The following PTGIS variants were observed in gnomAD, a reference collection of about 807,000 sequenced individuals.
PTGIS encodes prostacyclin synthase.
A neutral mutation model predicts 50.3 loss-of-function variants in PTGIS; 45 were observed. That is an observed-to-expected ratio of 0.90 (90% CI 0.70 to 1.15). The LOEUF (loss-of-function observed/expected upper bound fraction) is 1.15. Ranked by LOEUF, PTGIS falls within the 50% of genes most tolerant of loss-of-function variation. PTGIS has a pLI of 0.00. For missense variants in PTGIS, 668 were observed against 661.3 expected (o/e 1.01, Z -0.11); for synonymous variants, 260 against 267.7 (o/e 0.97, Z 0.28).
intron 1 of PTGIS, among the ~76,000 whole-genome samples, chr20:49,566,549 G>A (rs1982904817): frequency 6.6e-6 from 1 of 152,218 alleles, no homozygotes; most frequent in African/African-American, 2.4e-5. Context: ...CTGAAAAGAT[G>A]TCTGGAGGTT....
chr20:49,538,244 G>C (rs1385421336), intron 5 of PTGIS, among the ~76,000 whole-genome samples: 1 of 115,740 alleles, frequency 8.6e-6, no homozygotes, highest in Non-Finnish European at 1.7e-5. Flanking sequence ...GACAGAGTGA[G>C]ACCCTGGTTC....
chr20:49,541,637 G>C (rs1350115970), intron 4 of PTGIS, among the ~76,000 whole-genome samples: 1 of 152,096 alleles, frequency 6.6e-6, no homozygotes, highest in South Asian at 2.1e-4. Context: ...AGGCTGAGGC[G>C]AGAGAATCGC....
chr20:49,547,578 C>T (rs557796690), intron 3 of PTGIS, among the ~76,000 whole-genome samples: 35 of 152,038 alleles, frequency 2.3e-4, no homozygotes, highest in Non-Finnish European at 4.4e-4. Flanking sequence ...AAACCCTGGT[C>T]TCCTCCTACT....
At chr20:49,539,977 C>T (rs1366970658) in intron 4 of PTGIS, among the ~76,000 whole-genome samples, 2 of 152,168 alleles carry the variant, frequency 1.3e-5, no homozygotes, top group African/African-American at 2.4e-5. Context: ...GCTGGTGCCC[C>T]GCGGCACTGT....
intron 5 of PTGIS, among the ~76,000 whole-genome samples, chr20:49,532,508 T>C (rs1458793271): frequency 6.6e-6 from 1 of 152,188 alleles, no homozygotes; most frequent in African/African-American, 2.4e-5. Flanking sequence ...TAAATTGGGA[T>C]AATAAAAGTA....
intron 1 of PTGIS, among the ~76,000 whole-genome samples, chr20:49,553,257 T>A (rs770081753): frequency 1.3e-5 from 2 of 152,134 alleles, no homozygotes; most frequent in African/African-American, 4.8e-5. Context: ...AGAATTATCA[T>A]TGTGTAACTT....
chr20:49,509,009 T>C (rs528843014), intron 9 of PTGIS, among the ~76,000 whole-genome samples: 2 of 152,334 alleles, frequency 1.3e-5, no homozygotes, highest in East Asian at 1.9e-4. Flanking sequence ...GGGGATTCTT[T>C]TGTCTCACTG....
At chr20:49,562,864 G>T (rs114504337) in intron 1 of PTGIS, among the ~76,000 whole-genome samples, 1 of 152,160 alleles carries the variant, frequency 6.6e-6, no homozygotes, top group Middle Eastern at 3.2e-3. Flanking sequence ...GCCCCCTGAC[G>T]TATCGCATCT....
At position 49,507,926 on chromosome 20, in the gene PTGIS, G is replaced by A. The variant is rs1981197235; in HGVS notation, c.1497C>T (p.Arg499=). 6.2e-7 allele frequency: 1 copy of A among 1,612,048 alleles called. No individual in the cohort carries two copies. The highest frequency in any genetic ancestry group is 2.2e-5 in the East Asian group (1 of 44,884). Residue 499 remains arginine, a synonymous_variant, in exon 10 of 10, where the codon CGC becomes CGT. Coordinates refer to ENST00000244043, the MANE Select transcript of PTGIS (RefSeq NM_000961.4). The stretch of plus-strand genomic sequence containing the variant: ...GATCCATCTGCTCCCTGTGTCATGG[G>A]CGGATGCGGTAGCGGACGGGCACGT... ...EHDVPVRYRI[R]P
intron 5 of PTGIS, among the ~76,000 whole-genome samples, chr20:49,533,145 A>C (rs887956503): frequency 4.8e-4 from 73 of 152,192 alleles, no homozygotes; most frequent in African/African-American, 1.7e-3. Flanking sequence ...CCCAGACTTG[A>C]ATACCTCTCA....
rs188715722 is a variant in PTGIS, at chr20:49,544,382, C to T, written c.444G>A (p.Leu148=). The stretch of plus-strand genomic sequence containing the variant: ...TGCCTGCTTCTGTAGCATCGCCCAA[C>T]AGCACTGCATGGAGGTTGGTATACA... ...EAMYTNLHAV[L]LGDATEAGSG... is the part of the protein sequence containing the mutation. Residue 148 remains leucine (L), a synonymous_variant, in exon 4 of 10, where the codon CTG becomes CTA. Transcript: ENST00000244043. 2.5e-6 allele frequency: 4 copies of T among 1,614,160 alleles called. No individual in the cohort carries two copies. The highest frequency in any genetic ancestry group is 2.2e-5 in the East Asian group (1 of 44,880).
At chr20:49,513,371 C>T in intron 7 of PTGIS, 110 bp from the exon 8 acceptor site, 1 of 1,228,358 alleles carries the variant, frequency 8.1e-7, no homozygotes. Context: ...AGAGAGGGTG[C>T]CTGCCTCGCC....
chr20:49,567,985 A>G, intron 1 of PTGIS, 58 bp downstream of exon 1: 1 of 1,410,548 alleles, frequency 7.1e-7, no homozygotes, highest in Admixed American at 2.7e-5. Flanking sequence ...CTTGGGCTGC[A>G]GCCCGGGCGG....
chr20:49,539,620 C>G lies in PTGIS; in HGVS notation c.623G>C (p.Arg208Pro), dbSNP rs145802460. The G allele has an allele frequency of 8.7e-6, 14 of 1,613,980 alleles. No individual in the cohort carries two copies. Among genetic ancestry groups the G allele is most frequent in the Non-Finnish European group, 1.2e-5 (14 of 1,179,990 alleles). The change falls in exon 5 of 10, where the codon CGC becomes CCC. Residue 208 changes from arginine (R) to proline (P), a missense_variant. Physicochemically the swap from Arg to Pro is moderately radical, Grantham distance 103. Coordinates refer to ENST00000244043, the MANE Select transcript of PTGIS (RefSeq NM_000961.4). ...VHSADVFHTF[R>P]QLDRLLPKLA... ...TTTGGGGAGCAGCCGGTCGAGCTGG[C>G]GAAAGGTGTGGAAGACATCAGCTGA...
At chr20:49,523,745 C>T (rs1343195731) in intron 6 of PTGIS, among the ~76,000 whole-genome samples, 1 of 152,098 alleles carries the variant, frequency 6.6e-6, no homozygotes, top group African/African-American at 2.4e-5. Context: ...AGCCACTGCA[C>T]TCCAGCCTGG....
chr20:49,521,779 AG>A (rs1303345150), intron 6 of PTGIS, among the ~76,000 whole-genome samples: 3 of 152,174 alleles, frequency 2.0e-5, no homozygotes, highest in African/African-American at 7.2e-5. Flanking sequence ...TGGGGCCAAG[AG>A]AAAGATGGGG....
chr20:49,512,522 T>A (rs1037818057), intron 8 of PTGIS, among the ~76,000 whole-genome samples: 1 of 152,122 alleles, frequency 6.6e-6, no homozygotes, highest in African/African-American at 2.4e-5. Flanking sequence ...GATGGGCAGA[T>A]GAATGAATGG....
At chr20:49,511,920 G>A (rs190853252) in intron 8 of PTGIS, among the ~76,000 whole-genome samples, 13 of 152,042 alleles carry the variant, frequency 8.6e-5, no homozygotes, top group Non-Finnish European at 2.9e-5. Flanking sequence ...TAGATTGATG[G>A]GTGGATGGAT....
intron 5 of PTGIS, among the ~76,000 whole-genome samples, chr20:49,528,011 G>T (rs1981833767): frequency 6.6e-6 from 1 of 151,938 alleles, no homozygotes; most frequent in Non-Finnish European, 1.5e-5. Context: ...GTGGTGGCAG[G>T]CACCTGTAAT....
Sources: allele counts gnomAD v4.1 joint callset (sites outside exome capture counted in the v4.1 genomes callset), GRCh38; gene constraint gnomAD v4.1.1; transcripts MANE v1.5; gene names NCBI Gene and HGNC (gene_info 2026-07-23, HGNC 2026-07-21).